ARHGAP22: variants seen among roughly 807,000 people sequenced by gnomAD.
The protein encoded by ARHGAP22 is rho GTPase-activating protein 22.
A neutral mutation model predicts 59.1 loss-of-function variants in ARHGAP22; 48 were observed. The ratio of observed to expected loss-of-function variants is 0.81; its 90% CI spans 0.64 to 1.03. The LOEUF (loss-of-function observed/expected upper bound fraction) is 1.03. Among genes scored for constraint, ARHGAP22 ranks in the 50% least tolerant of loss-of-function variants. The pLI is 0.00. For missense variants in ARHGAP22, 1,015 were observed against 958.7 expected, an observed-to-expected ratio of 1.06 and a Z score of -0.78; for synonymous variants, 445 against 416.4, an observed-to-expected ratio of 1.07 and a Z score of -0.84.
At chr10:48,488,882 G>C (rs1024345873) in intron 3 of ARHGAP22, among the ~76,000 whole-genome samples, 1 of 152,094 alleles carries the variant, frequency 6.6e-6, no homozygotes, top group Non-Finnish European at 1.5e-5. Context: ...TAGATGTTTT[G>C]GTCTGTCTGG....
chr10:48,464,625 A>G (rs1564701915), intron 4 of ARHGAP22, among the ~76,000 whole-genome samples: 1 of 152,252 alleles, frequency 6.6e-6, no homozygotes, highest in East Asian at 1.9e-4. Context: ...TGAGGTGGGG[A>G]CACGGGAAAG....
intron 1 of ARHGAP22, among the ~76,000 whole-genome samples, chr10:48,591,566 T>C (rs1034745788): frequency 6.6e-6 from 1 of 152,158 alleles, no homozygotes; most frequent in African/African-American, 2.4e-5. Flanking sequence ...ACCATTTAGA[T>C]AGGTACTTTT....
At chr10:48,528,013 C>T (rs981810920) in intron 3 of ARHGAP22, among the ~76,000 whole-genome samples, 3 of 152,162 alleles carry the variant, frequency 2.0e-5, no homozygotes, top group Non-Finnish European at 2.9e-5. Context: ...AGAGGCTGCC[C>T]CATTCATCCA....
chr10:48,610,252 G>A (rs534377641), intron 1 of ARHGAP22, among the ~76,000 whole-genome samples: 42 of 152,228 alleles, frequency 2.8e-4, no homozygotes, highest in African/African-American at 1.0e-3. Flanking sequence ...TACCTATCTG[G>A]GGTCTTTGTT....
intron 2 of ARHGAP22, among the ~76,000 whole-genome samples, chr10:48,568,691 G>A (rs2058206974): frequency 6.6e-6 from 1 of 152,240 alleles, no homozygotes; most frequent in Non-Finnish European, 1.5e-5. Context: ...GCTCTTCAGA[G>A]CCTGCCGGCT....
At chr10:48,639,399 A>G (rs2061951012) in intron 1 of ARHGAP22, among the ~76,000 whole-genome samples, 2 of 152,228 alleles carry the variant, frequency 1.3e-5, no homozygotes, top group African/African-American at 4.8e-5. Flanking sequence ...GCATGTGCAG[A>G]GGTTATATGA....
chr10:48,595,216 T>C (rs755811204), intron 1 of ARHGAP22, among the ~76,000 whole-genome samples: 1 of 152,156 alleles, frequency 6.6e-6, no homozygotes, highest in African/African-American at 2.4e-5. Flanking sequence ...TAGAAGTCAA[T>C]GAGATTTTAA....
chr10:48,491,651 G>A (rs1292818874), intron 3 of ARHGAP22, among the ~76,000 whole-genome samples: 3 of 152,264 alleles, frequency 2.0e-5, no homozygotes, highest in South Asian at 4.1e-4. Context: ...TAGTGAGGGC[G>A]GCAGCGGCAG....
Position 48,451,774 on chromosome 10 carries a change from C to G in ARHGAP22, c.989-634G>C, listed in dbSNP as rs1001779488. 1.1e-3 allele frequency: 670 copies of G among 596,928 alleles called. 10 individuals carry two copies. The highest frequency in any genetic ancestry group is 2.6e-4 in the Non-Finnish European group (89 of 335,900). The allele number at this position is 596,928 out of a possible 1,614,324, so 37.0% of individuals were successfully genotyped here. A position where few individuals can be genotyped will look rare whatever the true frequency, so the allele number is the denominator to read the frequency against. ...CAGCCTCCCCAAATCCCCCAACACA[C>G]AATCGCACATACAATGCCCACTCCC... On this transcript the variant is annotated intron_variant, in intron 8 of 9. Coordinates refer to ENST00000249601, the MANE Select transcript of ARHGAP22 (RefSeq NM_021226.4).
intron 3 of ARHGAP22, among the ~76,000 whole-genome samples, chr10:48,488,883 G>A (rs2166224): frequency 0.57 from 87,145 of 152,002 alleles, 29,522 homozygotes; most frequent in Non-Finnish European, 0.75. Flanking sequence ...AGATGTTTTG[G>A]TCTGTCTGGA....
At chr10:48,634,288 CA>C (rs1234270992) in intron 1 of ARHGAP22, among the ~76,000 whole-genome samples, 1 of 152,172 alleles carries the variant, frequency 6.6e-6, no homozygotes, top group Non-Finnish European at 1.5e-5. Flanking sequence ...GAGCTTTTGG[CA>C]AGTCAGTAAA....
chr10:48,462,236 C>T (rs2047207128), intron 4 of ARHGAP22, among the ~76,000 whole-genome samples: 1 of 96,686 alleles, frequency 1.0e-5, no homozygotes, highest in Non-Finnish European at 2.0e-5. Context: ...CATGGGTATG[C>T]ACACTTCGGG....
intron 1 of ARHGAP22, among the ~76,000 whole-genome samples, chr10:48,593,681 C>T (rs1217559077): frequency 2.6e-5 from 4 of 152,228 alleles, no homozygotes; most frequent in Non-Finnish European, 5.9e-5. Flanking sequence ...TGGGACACCA[C>T]GCTACTCAGA....
At chr10:48,450,131 T>C in intron 9 of ARHGAP22, 130 bp downstream of exon 9, 1 of 1,313,944 alleles carries the variant, frequency 7.6e-7, no homozygotes, top group Non-Finnish European at 1.0e-6. Flanking sequence ...AGAGCTAGGA[T>C]TCCCCTCTCT....
chr10:48,510,709 C>A (rs555866295), intron 3 of ARHGAP22: 3 of 152,370 alleles, frequency 2.0e-5, no homozygotes, highest in African/African-American at 4.8e-5. Flanking sequence ...TCAAGTCACA[C>A]AGACTAAACT....
chr10:48,630,861 A>T (rs1405298438), intron 1 of ARHGAP22, among the ~76,000 whole-genome samples: 3 of 152,252 alleles, frequency 2.0e-5, no homozygotes, highest in Admixed American at 6.5e-5. Flanking sequence ...TGTTCCCAAC[A>T]TAGTGGGAGA....
In ARHGAP22 at chr10:48,550,617, C is replaced by T. The variant is rs567856477; in HGVS notation, c.322+4846G>A. ...TTTGCAAGCCACAGGTTTCAGATGG[C>T]GAAACCATGAAATAGGAAGATGCTG... On this transcript the variant is annotated intron_variant, in intron 3 of 9. Transcript: ENST00000249601. 7.4e-4 allele frequency among the ~76,000 whole-genome samples: 113 copies of T among 152,264 alleles called. 1 individual carries two copies. The highest frequency in any genetic ancestry group is 6.8e-3 in the Middle Eastern group (2 of 294).
chr10:48,559,515 A>G (rs2057545895), intron 2 of ARHGAP22, among the ~76,000 whole-genome samples: 3 of 152,232 alleles, frequency 2.0e-5, no homozygotes, highest in Admixed American at 1.3e-4. Flanking sequence ...AGTTTTAGAC[A>G]TTGCAAAATT....
At chr10:48,541,860 C>T (rs2055975452) in intron 3 of ARHGAP22, among the ~76,000 whole-genome samples, 1 of 152,334 alleles carries the variant, frequency 6.6e-6, no homozygotes, top group African/African-American at 2.4e-5. Flanking sequence ...GGCCACCCTC[C>T]AAGGGTGACA....
Sources: gnomAD v4.1 joint callset for allele counts (sites outside exome capture counted in the v4.1 genomes callset) on GRCh38, gnomAD v4.1.1 for gene constraint, MANE v1.5 for transcripts, NCBI Gene and HGNC (gene_info 2026-07-23, HGNC 2026-07-21) for gene names.